Variants in GFOD1 observed in about 807,000 individuals in gnomAD.
GFOD1 encodes the protein glucose-fructose oxidoreductase domain-containing protein 1.
GFOD1 carries 9 observed loss-of-function variants against 25.4 expected under a neutral mutation model. The ratio of observed to expected loss-of-function variants is 0.35; its 90% CI spans 0.21 to 0.62. The LOEUF (loss-of-function observed/expected upper bound fraction) is 0.62. Ranked by LOEUF, GFOD1 falls within the 20% of genes least tolerant of loss-of-function variation. GFOD1 has a pLI of 0.72. For missense variants in GFOD1, 403 were observed against 556.9 expected (o/e 0.72, Z 2.78); for synonymous variants, 253 against 245.6 (o/e 1.03, Z -0.28).
intron 1 of GFOD1, among the ~76,000 whole-genome samples, chr6:13,367,336 A>C (rs1785067817): frequency 6.6e-6 from 1 of 152,124 alleles, no homozygotes; most frequent in Admixed American, 6.5e-5. Context: ...TTTGAGCATT[A>C]TCATGCTTGT....
intron 1 of GFOD1, among the ~76,000 whole-genome samples, chr6:13,398,571 C>A (rs1785781810): frequency 1.3e-5 from 2 of 152,134 alleles, no homozygotes. Flanking sequence ...GAATGTGCAC[C>A]CCAGTGCACA....
chr6:13,374,269 TTTTTTGTG>T (rs1421555220), intron 1 of GFOD1, among the ~76,000 whole-genome samples: 2 of 121,876 alleles, frequency 1.6e-5, no homozygotes, highest in African/African-American at 7.7e-5. Flanking sequence ...AATATGTTTT[TTTTTTGTG>T]TGTGTGTGTG....
chr6:13,408,543 T>A (rs1785987488), intron 1 of GFOD1, among the ~76,000 whole-genome samples: 1 of 152,068 alleles, frequency 6.6e-6, no homozygotes, highest in African/African-American at 2.4e-5. Flanking sequence ...ACTCAGGACC[T>A]GAGGAAAGTA....
intron 1 of GFOD1, among the ~76,000 whole-genome samples, chr6:13,382,347 TGG>T (rs57799706): frequency 7.4e-4 from 106 of 143,644 alleles, no homozygotes; most frequent in East Asian, 3.8e-3. Flanking sequence ...AATTGAATCA[TGG>T]GGGGGGGGGT....
At chr6:13,414,560 A>G (rs185092807) in intron 1 of GFOD1, among the ~76,000 whole-genome samples, 47 of 152,322 alleles carry the variant, frequency 3.1e-4, no homozygotes, top group African/African-American at 9.4e-4. Context: ...AATTCCTGGC[A>G]TGGCCACCTA....
chr6:13,410,502 G>A (rs1266726152), intron 1 of GFOD1, among the ~76,000 whole-genome samples: 1 of 151,322 alleles, frequency 6.6e-6, no homozygotes, highest in African/African-American at 2.4e-5. Context: ...AGGAGGCAGA[G>A]GTTGCAGTGA....
At position 13,365,287 on chromosome 6, in the gene GFOD1, T is replaced by C. The variant is rs1785020247; in HGVS notation, c.629A>G (p.Lys210Arg). ...KTFVKQTDHI[K>R]GIRQITSDDF... ...ATCGCTGGTGATCTGTCGGATGCCC[T>C]TGATGTGGTCAGTCTGCTTCACGAA... Residue 210 changes from lysine to arginine, a missense_variant, in exon 2 of 2, where the codon AAG becomes AGG. Physicochemically the swap from Lys to Arg is conservative, Grantham distance 26 (BLOSUM62 2). Transcript: ENST00000379287. This position sits in a 1 kb window ranked among gnomAD's most constrained non-coding sequence, Gnocchi z 9.2. 6.2e-7 allele frequency: 1 copy of C among 1,614,086 alleles called. No homozygotes were observed. The highest frequency in any genetic ancestry group is 1.1e-5 in the South Asian group (1 of 91,094).
intron 1 of GFOD1, among the ~76,000 whole-genome samples, chr6:13,377,018 GTTT>G (rs530360997): frequency 1.4e-5 from 2 of 139,970 alleles, no homozygotes; most frequent in African/African-American, 5.2e-5. Context: ...CAGCAGATAT[GTTT>G]TTTTTTTTTT....
At chr6:13,373,935 A>C (rs1785200195) in intron 1 of GFOD1, among the ~76,000 whole-genome samples, 1 of 152,202 alleles carries the variant, frequency 6.6e-6, no homozygotes, top group African/African-American at 2.4e-5. Context: ...TCCCCATGAA[A>C]GTTCTTAACA....
At position 13,431,172 on chromosome 6, in the gene GFOD1, G is replaced by C. The variant is rs903852856; in HGVS notation, c.253+55466C>G. Among the ~76,000 whole-genome samples, 51 of 152,204 alleles carry C rather than the reference G, an allele frequency of 3.4e-4. 3 individuals carry two copies. On this transcript the variant is annotated intron_variant, in intron 1 of 1. Transcript: ENST00000379287. ...GAAATCTATGGGCCTGAGGTTAGTG[G>C]TGGTGGGGACTATGATGATAGCACC... is the stretch of plus-strand genomic sequence containing the variant.
At chr6:13,469,950 A>G (rs1758455682) in intron 1 of GFOD1, 3 of 1,305,902 alleles carry the variant, frequency 2.3e-6, no homozygotes, top group Non-Finnish European at 2.0e-6. Flanking sequence ...AGTGATGAGT[A>G]GGTTCTGGAT....
chr6:13,448,293 T>TA (rs555797311), intron 1 of GFOD1, among the ~76,000 whole-genome samples: 16 of 152,336 alleles, frequency 1.1e-4, no homozygotes, highest in Non-Finnish European at 2.2e-4. Context: ...TGTTGTTTTG[T>TA]AAGTGCCCAT....
At chr6:13,442,062 C>T (rs991293717) in intron 1 of GFOD1, among the ~76,000 whole-genome samples, 2 of 152,214 alleles carry the variant, frequency 1.3e-5, no homozygotes, top group African/African-American at 2.4e-5. Flanking sequence ...GAAACTAGAG[C>T]ACCTGGGGAA....
intron 1 of GFOD1, chr6:13,486,042 G>A (rs1758857842): frequency 1.1e-5 from 11 of 985,874 alleles, no homozygotes; most frequent in Non-Finnish European, 1.3e-5. Flanking sequence ...TCCAGCCGAT[G>A]GTAACATCTG....
intron 1 of GFOD1, among the ~76,000 whole-genome samples, chr6:13,423,812 A>G (rs1786302179): frequency 6.6e-6 from 1 of 152,194 alleles, no homozygotes; most frequent in African/African-American, 2.4e-5. Context: ...TCCCGCCCGA[A>G]GCAAGAGCAT....
intron 1 of GFOD1, among the ~76,000 whole-genome samples, chr6:13,485,756 C>T (rs976023817): frequency 6.6e-6 from 1 of 152,166 alleles, no homozygotes; most frequent in Non-Finnish European, 1.5e-5. Flanking sequence ...CTGTGCCTTC[C>T]GAAACTATTC....
In GFOD1 at chr6:13,358,058, C is replaced by T. The variant is rs1260883679; in HGVS notation, c.*6685G>A. 1.3e-5 allele frequency: 2 copies of T among 152,188 alleles called. No homozygotes were observed. Among genetic ancestry groups the T allele is most frequent in the Non-Finnish European group, 2.9e-5 (2 of 68,020 alleles). 9.4% of individuals were successfully genotyped at this position (152,188 alleles called of 1,614,324 possible). ...GGAGGCCCGCAGGGAGGGCCGCCTC[C>T]CAGCTTCCACAGTAGTTTGGCCTTA... On this transcript the variant is annotated 3_prime_UTR_variant, in exon 2 of 2. Transcript: ENST00000379287.
At chr6:13,400,084 T>C (rs956386827) in intron 1 of GFOD1, among the ~76,000 whole-genome samples, 89 of 151,406 alleles carry the variant, frequency 5.9e-4, no homozygotes, top group Admixed American at 5.1e-3. Flanking sequence ...AAGAGGCCTC[T>C]GGCCTCCTGA....
At position 13,417,302 on chromosome 6, in the gene GFOD1, C is replaced by T. The variant is rs751653383; in HGVS notation, c.254-51640G>A. Among the ~76,000 whole-genome samples, 17 of 152,180 alleles carry T rather than the reference C, an allele frequency of 1.1e-4. No homozygotes were observed. The South Asian group carries it at 1.5e-3, about 13-fold the overall frequency. On this transcript the variant is annotated intron_variant, in intron 1 of 1. Coordinates refer to ENST00000379287, the MANE Select transcript of GFOD1 (RefSeq NM_018988.4). ...CCAAATAGCTGGGACTACAGGTGCC[C>T]GCCACCACGCCCGGCTAATTTTTTG... is the stretch of plus-strand genomic sequence containing the variant.
Sources: allele counts gnomAD v4.1 joint callset (sites outside exome capture counted in the v4.1 genomes callset), GRCh38; gene constraint gnomAD v4.1.1; non-coding constraint Gnocchi (gnomAD v3.1); transcripts MANE v1.5; gene names NCBI Gene and HGNC (gene_info 2026-07-23, HGNC 2026-07-21).